Variants in RIPOR3 observed in about 807,000 individuals in gnomAD.
RIPOR3 encodes the protein RIPOR family member 3, also known as family with sequence similarity 65 member C.
RIPOR3 carries 95 observed loss-of-function variants against 114.3 expected under a neutral mutation model. That is an observed-to-expected ratio of 0.83 (90% CI 0.70 to 0.99). The LOEUF is 0.99. RIPOR3 is among the 50% of genes least tolerant of loss of function. RIPOR3 has a pLI of 0.00. For synonymous variants in RIPOR3, 575 were observed against 543.8 expected, an observed-to-expected ratio of 1.06 and a Z score of -0.80; for missense variants, 1,252 against 1,266.9, an observed-to-expected ratio of 0.99 and a Z score of 0.18.
intron 2 of RIPOR3, 137 bp downstream of exon 2, chr20:50,630,599 CTG>C: frequency 8.0e-6 from 5 of 621,860 alleles, no homozygotes; most frequent in Admixed American, 2.9e-5. Context: ...CTCTCTCTCT[CTG>C]TCTCTCTCGG....
rs1283084571 is a variant in RIPOR3 at position 50,586,519 on chromosome 20, C to T, written c.*713G>A. ...TGGCCAAAGTGAGTGGCCCTACTGC[C>T]TGTGCTGCTCAGGGCTCCTGGGCTG... On this transcript the variant is annotated 3_prime_UTR_variant, in exon 22 of 22. Transcript: ENST00000327979. 5 of 152,730 alleles carry T rather than the reference C, an allele frequency of 3.3e-5. No individual in the cohort carries two copies. Among genetic ancestry groups the T allele is most frequent in the Admixed American group, 3.3e-4 (5 of 15,320 alleles). The allele number at this position is 152,730 out of a possible 1,614,324, so 9.5% of individuals were successfully genotyped here.
chr20:50,653,683 C>T (rs565127185), intron 1 of RIPOR3, among the ~76,000 whole-genome samples: 33 of 151,866 alleles, frequency 2.2e-4, no homozygotes, highest in Non-Finnish European at 2.5e-4. Flanking sequence ...CTCTGCCTCC[C>T]GGGTTTGAGC....
At chr20:50,596,470 G>A (rs2083295113) in intron 14 of RIPOR3, among the ~76,000 whole-genome samples, 1 of 152,184 alleles carries the variant, frequency 6.6e-6, no homozygotes, top group African/African-American at 2.4e-5. Flanking sequence ...CCTGGGGAAG[G>A]CAGGGCGGGC....
At chr20:50,623,154 G>T (rs776227101) in intron 2 of RIPOR3, among the ~76,000 whole-genome samples, 1 of 151,620 alleles carries the variant, frequency 6.6e-6, no homozygotes, top group African/African-American at 2.4e-5. Flanking sequence ...CCAGCTACTC[G>T]GGAGGCTGAG....
Position 50,630,033 on chromosome 20 carries a change from T to A in RIPOR3, c.122+705A>T, listed in dbSNP as rs189202134. Among the ~76,000 whole-genome samples, 4 of 152,008 alleles carry A rather than the reference T, an allele frequency of 2.6e-5. No individual in the cohort carries two copies. The East Asian group carries it at 7.8e-4, about 30-fold the overall frequency. The stretch of plus-strand genomic sequence containing the variant: ...CCCAGGCTGGAGTGCAGTGGTGTGA[T>A]CTCGGTACACTGCAACCTCCACCTC... On this transcript the variant is annotated intron_variant, in intron 2 of 21. Coordinates refer to ENST00000327979, the MANE Select transcript of RIPOR3 (RefSeq NM_001290268.2).
rs768330829 is a variant in RIPOR3 at position 50,609,626 on chromosome 20, C to A, written c.523G>T (p.Ala175Ser). The part of the protein sequence containing the change: ...RAFARCPPSR[A>S]ARESLQELGR... ...AGCTCCTGCAGGCTCTCTCGGGCTG[C>A]GCGGCTCGGGGGGCACCGGGCGAAG... The change falls in exon 7 of 22, where the codon GCA (alanine) becomes TCA (serine). Residue 175 changes from alanine (A) to serine (S), a missense_variant. Ala to Ser is a moderately conservative substitution (Grantham distance 99, BLOSUM62 1). Transcript: ENST00000327979. 3 of 1,405,474 alleles carry A rather than the reference C, an allele frequency of 2.1e-6. No individual in the cohort carries two copies. The highest frequency in any genetic ancestry group is 2.8e-6 in the Non-Finnish European group (3 of 1,083,750). The allele number at this position is 1,405,474 out of a possible 1,614,324, so 87.1% of individuals were successfully genotyped here. A position where few individuals can be genotyped will look rare whatever the true frequency, so the allele number is the denominator to read the frequency against.
chr20:50,641,216 CT>C (rs1041304812), intron 1 of RIPOR3, among the ~76,000 whole-genome samples: 4 of 149,254 alleles, frequency 2.7e-5, no homozygotes, highest in East Asian at 4.0e-4. Context: ...CGGCTCACTT[CT>C]TTTTTTTTCT....
intron 4 of RIPOR3, among the ~76,000 whole-genome samples, chr20:50,611,806 C>T (rs1055311943): frequency 1.3e-5 from 2 of 152,134 alleles, no homozygotes; most frequent in East Asian, 1.9e-4. Context: ...CAGGCCACGG[C>T]GCCCCATGCC....
intron 13 of RIPOR3, among the ~76,000 whole-genome samples, chr20:50,600,683 C>G (rs778027498): frequency 7.2e-5 from 11 of 152,200 alleles, no homozygotes; most frequent in Non-Finnish European, 1.5e-4. Context: ...TCGTGTGATC[C>G]CAGGAGGCAG....
At chr20:50,682,461 G>T (rs558869827) in intron 1 of RIPOR3, among the ~76,000 whole-genome samples, 1 of 152,178 alleles carries the variant, frequency 6.6e-6, no homozygotes, top group East Asian at 1.9e-4. Context: ...CAAAAACGTA[G>T]CCAAGTGTGG....
chr20:50,612,368 T>C (rs746976909), intron 4 of RIPOR3, among the ~76,000 whole-genome samples: 3 of 152,030 alleles, frequency 2.0e-5, no homozygotes, highest in Non-Finnish European at 4.4e-5. Context: ...CAAGAAACAT[T>C]TTTTTAAACA....
In RIPOR3 at chr20:50,594,661, T is replaced by C. The variant is rs758816090; in HGVS notation, c.2104A>G (p.Thr702Ala). ...KGCLKLWRGCTGPGRVLSCPA... is the reference protein window; with the variant it reads ...KGCLKLWRGCAGPGRVLSCPA... Reference sequence around the variant, plus strand: ...CAGGACAGGACCCTGCCAGGCCCTGTGCACCCTCTCCACAGCTTCAGGCAC... The same window carrying C: ...CAGGACAGGACCCTGCCAGGCCCTGCGCACCCTCTCCACAGCTTCAGGCAC... The change falls in exon 17 of 22, where the codon ACA (threonine) becomes GCA (alanine). Residue 702 changes from threonine to alanine, a missense_variant. By Grantham distance (58) the Thr-to-Ala change is moderately conservative. Coordinates refer to ENST00000327979, the MANE Select transcript of RIPOR3 (RefSeq NM_001290268.2). The C allele has an allele frequency of 3.7e-6, 6 of 1,613,874 alleles. No individual in the cohort carries two copies. The highest frequency in any genetic ancestry group is 5.1e-6 in the Non-Finnish European group (6 of 1,179,948).
intron 1 of RIPOR3, among the ~76,000 whole-genome samples, chr20:50,666,702 AG>A (rs1285919916): frequency 3.3e-5 from 5 of 152,048 alleles, no homozygotes; most frequent in Non-Finnish European, 7.4e-5. Flanking sequence ...CTGGGACTAC[AG>A]GCGTGTGCCA....
chr20:50,664,945 T>C (rs776998938), intron 1 of RIPOR3, among the ~76,000 whole-genome samples: 1 of 151,592 alleles, frequency 6.6e-6, no homozygotes, highest in African/African-American at 2.4e-5. Context: ...CTACTAAAAA[T>C]ACAAAAATTA....
chr20:50,652,884 T>C (rs1305317027), intron 1 of RIPOR3, among the ~76,000 whole-genome samples: 1 of 152,190 alleles, frequency 6.6e-6, no homozygotes, highest in Non-Finnish European at 1.5e-5. Context: ...AGCTTGGCAG[T>C]TCCTCAAATG....
rs182621937 is a variant in RIPOR3 at position 50,671,699 on chromosome 20, C to T, written c.3+19427G>A. Among the ~76,000 whole-genome samples the T allele has an allele frequency of 6.6e-5, 10 of 152,014 alleles. No individual in the cohort carries two copies. In the East Asian group the frequency reaches 1.2e-3, roughly 18 times the overall value. On this transcript the variant is annotated intron_variant, in intron 1 of 21. Transcript: ENST00000327979. Reference sequence around the variant, plus strand: ...CCATACAGGCTAATTGTGAGGACCACGAAAATGAATGGATGGGTGGATGGG... The same window carrying T: ...CCATACAGGCTAATTGTGAGGACCATGAAAATGAATGGATGGGTGGATGGG...
intron 4 of RIPOR3, among the ~76,000 whole-genome samples, chr20:50,615,232 G>C (rs1233655910): frequency 6.6e-6 from 1 of 151,268 alleles, no homozygotes; most frequent in Non-Finnish European, 1.5e-5. Context: ...CAGCCTGAAA[G>C]ACACTGCCTT....
At chr20:50,683,371 A>G (rs2086919908) in intron 1 of RIPOR3, among the ~76,000 whole-genome samples, 1 of 152,062 alleles carries the variant, frequency 6.6e-6, no homozygotes, top group Non-Finnish European at 1.5e-5. Context: ...AGATTGTTAG[A>G]TGGAAGTGTA....
At position 50,636,980 on chromosome 20, in the gene RIPOR3, G is replaced by A. The variant is rs756646830; in HGVS notation, c.4-6124C>T. On this transcript the variant is annotated intron_variant, in intron 1 of 21. Coordinates refer to ENST00000327979, the MANE Select transcript of RIPOR3 (RefSeq NM_001290268.2). ...TCAAATGCCAGCTAGGGCTTAGTTTGTTTATAGGAGTTTCCAAAATAGCTC... is the reference window on the plus strand; with the variant it reads ...TCAAATGCCAGCTAGGGCTTAGTTTATTTATAGGAGTTTCCAAAATAGCTC... 1.8e-4 allele frequency: 165 copies of A among 928,038 alleles called. No homozygotes were observed. In the Admixed American group the frequency reaches 3.5e-3, roughly 20 times the overall value. 57.5% of individuals were successfully genotyped at this position (928,038 alleles called of 1,614,324 possible). A position where few individuals can be genotyped will look rare whatever the true frequency, so the allele number is the denominator to read the frequency against.
Sources: gnomAD v4.1 joint callset for allele counts (sites outside exome capture counted in the v4.1 genomes callset) on GRCh38, gnomAD v4.1.1 for gene constraint, MANE v1.5 for transcripts, NCBI Gene and HGNC (gene_info 2026-07-23, HGNC 2026-07-21) for gene names.